The following PRKG1 variants were observed in gnomAD, a reference collection of about 807,000 sequenced individuals.
PRKG1 encodes cGMP-dependent protein kinase 1.
In PRKG1, 35 loss-of-function variants were observed where a neutral mutation model predicts 88.1. That is an observed-to-expected ratio of 0.40 (90% confidence interval 0.30 to 0.53). The LOEUF (loss-of-function observed/expected upper bound fraction) is 0.53. Ranked by LOEUF, PRKG1 falls within the 20% of genes least tolerant of loss-of-function variation. The pLI, the probability that PRKG1 is intolerant of heterozygous loss-of-function variation, is 0.59. For missense variants in PRKG1, 540 were observed against 839.8 expected, an observed-to-expected ratio of 0.64 and a Z score of 4.41; for synonymous variants, 303 against 292.5, an observed-to-expected ratio of 1.04 and a Z score of -0.37.
chr10:51,811,077 T>TA (rs1290733302), intron 4 of PRKG1, among the ~76,000 whole-genome samples: 7 of 152,246 alleles, frequency 4.6e-5, no homozygotes, highest in African/African-American at 1.7e-4. Context: ...TCATACCCAG[T>TA]AAAAAACAGA....
intron 5 of PRKG1, among the ~76,000 whole-genome samples, chr10:51,953,614 G>A (rs545363440): frequency 3.3e-5 from 5 of 152,264 alleles, no homozygotes; most frequent in African/African-American, 1.2e-4. Flanking sequence ...TATCTCCAGA[G>A]TCTACCACAG....
chr10:51,666,418 T>C (rs1017902682), intron 3 of PRKG1, among the ~76,000 whole-genome samples: 34 of 152,348 alleles, frequency 2.2e-4, no homozygotes, highest in African/African-American at 7.9e-4. Context: ...TAAGATTCTC[T>C]AGTGGTTTGA....
At chr10:51,645,700 C>T (rs1167264806) in intron 3 of PRKG1, among the ~76,000 whole-genome samples, 35 of 152,042 alleles carry the variant, frequency 2.3e-4, no homozygotes, top group Non-Finnish European at 3.7e-4. Context: ...AAAACAAGTA[C>T]TCATTATTTT....
rs901354785 is a variant in PRKG1, at chr10:51,816,748, A to G, written c.698+12058A>G. Among the ~76,000 whole-genome samples the G allele has an allele frequency of 3.3e-5, 5 of 152,278 alleles. No homozygotes were observed. In the East Asian group the frequency reaches 9.6e-4, roughly 29 times the overall value. On this transcript the variant is annotated intron_variant, in intron 4 of 17. Transcript: ENST00000373980. ...AGAAGAACTCCAATTAAGCAGCACA[A>G]TTTTAGTTATTTTATAAATACATAT...
intron 2 of PRKG1, among the ~76,000 whole-genome samples, chr10:51,157,742 G>A (rs911956344): frequency 4.6e-5 from 7 of 151,670 alleles, no homozygotes; most frequent in African/African-American, 1.7e-4. Flanking sequence ...AATGGCAAGT[G>A]TCTGTTTAGT....
intron 3 of PRKG1, among the ~76,000 whole-genome samples, chr10:51,752,824 A>G (rs1431883604): frequency 6.6e-6 from 1 of 152,154 alleles, no homozygotes; most frequent in African/African-American, 2.4e-5. Flanking sequence ...TAGGCAGAAA[A>G]CAGTACCCTT....
intron 9 of PRKG1, among the ~76,000 whole-genome samples, chr10:52,196,381 C>T (rs1475832626): frequency 6.6e-6 from 1 of 152,076 alleles, no homozygotes. Flanking sequence ...CTAAAAGATG[C>T]ATTCAAGAAA....
chr10:51,869,726 A>G (rs7085855), intron 4 of PRKG1, among the ~76,000 whole-genome samples: 24,423 of 152,134 alleles, frequency 0.16, 3,610 homozygotes, highest in African/African-American at 0.39. Flanking sequence ...AAAATATTTT[A>G]TAGATTCAAT....
chr10:51,995,314 A>G (rs147738106), intron 5 of PRKG1, among the ~76,000 whole-genome samples: 17 of 152,264 alleles, frequency 1.1e-4, no homozygotes, highest in African/African-American at 4.1e-4. Flanking sequence ...AGGAGCAGGT[A>G]ATGTACAATC....
At chr10:51,524,083 C>T (rs1243323550) in intron 3 of PRKG1, among the ~76,000 whole-genome samples, 3 of 152,134 alleles carry the variant, frequency 2.0e-5, no homozygotes, top group Non-Finnish European at 4.4e-5. Flanking sequence ...CCCTGGTTCT[C>T]TTTCTTGTCC....
rs112687980 is a variant in PRKG1, at chr10:52,093,549, T to C, written c.935+30918T>C. ...AACTTCTTTACAGGAAAAGGAATTT[T>C]TCTTTTAACCTTTAAAATTGCCTCT... On this transcript the variant is annotated intron_variant, in intron 7 of 17. Coordinates refer to ENST00000373980, the MANE Select transcript of PRKG1 (RefSeq NM_006258.4). Among the ~76,000 whole-genome samples, 242 of 152,304 alleles carry C rather than the reference T, an allele frequency of 1.6e-3. 1 individual carries two copies. Among genetic ancestry groups the C allele is most frequent in the African/African-American group, 5.5e-3 (230 of 41,580 alleles).
chr10:51,316,157 G>C (rs1213537670), intron 2 of PRKG1, among the ~76,000 whole-genome samples: 1 of 152,114 alleles, frequency 6.6e-6, no homozygotes, highest in Non-Finnish European at 1.5e-5. Flanking sequence ...GAAAATCTAA[G>C]AGAGATTCTC....
chr10:52,221,080 TA>T (rs1840233440), intron 9 of PRKG1, among the ~76,000 whole-genome samples: 1 of 152,098 alleles, frequency 6.6e-6, no homozygotes, highest in Non-Finnish European at 1.5e-5. Context: ...TTTGACTTTT[TA>T]AAAATAGCCA....
chr10:51,244,308 CTT>C (rs76339310), intron 2 of PRKG1, among the ~76,000 whole-genome samples: 38 of 136,588 alleles, frequency 2.8e-4, no homozygotes, highest in Admixed American at 3.7e-4. Context: ...CCCTTTCTTC[CTT>C]TTTTTTTTTT....
chr10:51,935,413 C>A (rs1014372391), intron 5 of PRKG1, among the ~76,000 whole-genome samples: 1 of 151,998 alleles, frequency 6.6e-6, no homozygotes, highest in Non-Finnish European at 1.5e-5. Flanking sequence ...ATTGGAGAGG[C>A]GATTCAATTC....
At chr10:51,872,580 TA>T (rs1051464866) in intron 4 of PRKG1, among the ~76,000 whole-genome samples, 35 of 152,180 alleles carry the variant, frequency 2.3e-4, no homozygotes, top group Non-Finnish European at 4.3e-4. Context: ...TTAAAACCTT[TA>T]AAAAATTTCT....
intron 5 of PRKG1, among the ~76,000 whole-genome samples, chr10:51,947,263 G>C (rs1056104344): frequency 4.6e-5 from 7 of 152,272 alleles, no homozygotes; most frequent in African/African-American, 1.4e-4. Context: ...AGGACCCTCG[G>C]AGCCAGGTGT....
chr10:51,621,675 T>C (rs1454566597), intron 3 of PRKG1, among the ~76,000 whole-genome samples: 2 of 152,244 alleles, frequency 1.3e-5, no homozygotes, highest in African/African-American at 4.8e-5. Flanking sequence ...TTGTTACCTG[T>C]ATTCTATTCT....
At chr10:51,981,455 A>G (rs1699681819) in intron 5 of PRKG1, among the ~76,000 whole-genome samples, 1 of 152,040 alleles carries the variant, frequency 6.6e-6, no homozygotes, top group Admixed American at 6.6e-5. Context: ...GCATAGTGGC[A>G]TGTACCTGTA....
Sources: allele counts gnomAD v4.1 joint callset (sites outside exome capture counted in the v4.1 genomes callset), GRCh38; gene constraint gnomAD v4.1.1; transcripts MANE v1.5; gene names NCBI Gene and HGNC (gene_info 2026-07-23, HGNC 2026-07-21).